RAPGEF5: variants seen among roughly 807,000 people sequenced by gnomAD.
RAPGEF5 encodes M-Ras-regulated GEF.
A neutral mutation model predicts 125.2 loss-of-function variants in RAPGEF5; 65 were observed. The ratio of observed to expected loss-of-function variants is 0.52; its 90% CI spans 0.43 to 0.64. RAPGEF5 has a LOEUF of 0.64. Among genes scored for constraint, RAPGEF5 ranks in the 30% least tolerant of loss-of-function variants. RAPGEF5 has a pLI of 0.00. For missense variants in RAPGEF5, 958 were observed against 1,048.1 expected (o/e 0.91, Z 1.19); for synonymous variants, 391 against 385.9 (o/e 1.01, Z -0.16).
chr7:22,165,667 AT>A (rs1320349683), intron 12 of RAPGEF5, among the ~76,000 whole-genome samples: 1 of 152,172 alleles, frequency 6.6e-6, no homozygotes, highest in Non-Finnish European at 1.5e-5. Context: ...AAAAGTAATC[AT>A]CATTTCCAGT....
intron 10 of RAPGEF5, 81 bp downstream of exon 10, chr7:22,193,834 G>T (rs1276821633): frequency 6.2e-7 from 1 of 1,611,880 alleles, no homozygotes; most frequent in Non-Finnish European, 8.5e-7. Flanking sequence ...GAGAGCGAGT[G>T]AGATGGAGCA....
intron 5 of RAPGEF5, among the ~76,000 whole-genome samples, chr7:22,301,421 C>G (rs1783197940): frequency 6.6e-6 from 1 of 152,048 alleles, no homozygotes; most frequent in South Asian, 2.1e-4. Flanking sequence ...CGAGACCATC[C>G]TGGCTAACAC....
chr7:22,262,950 G>A (rs888566240), intron 7 of RAPGEF5, among the ~76,000 whole-genome samples: 9 of 152,182 alleles, frequency 5.9e-5, no homozygotes, highest in Admixed American at 1.3e-4. Flanking sequence ...GGGTGACAGA[G>A]TGAGACCCTG....
intron 1 of RAPGEF5, among the ~76,000 whole-genome samples, chr7:22,324,393 A>T (rs900958075): frequency 1.3e-5 from 2 of 152,198 alleles, no homozygotes; most frequent in African/African-American, 4.8e-5. Context: ...GTGATCCTGG[A>T]CTAGAATAAG....
At chr7:22,260,902 T>C (rs982376476) in intron 7 of RAPGEF5, among the ~76,000 whole-genome samples, 1 of 152,116 alleles carries the variant, frequency 6.6e-6, no homozygotes, top group Admixed American at 6.5e-5. Context: ...AATAGATCAG[T>C]GGAACACAGA....
chr7:22,142,503 T>A (rs1475138435), intron 20 of RAPGEF5, among the ~76,000 whole-genome samples: 1 of 152,180 alleles, frequency 6.6e-6, no homozygotes, highest in Non-Finnish European at 1.5e-5. Flanking sequence ...TCTTTTTTAG[T>A]CATATTTTAA....
chr7:22,333,793 C>A (rs1391929751), intron 1 of RAPGEF5, among the ~76,000 whole-genome samples: 2 of 152,228 alleles, frequency 1.3e-5, no homozygotes, highest in African/African-American at 2.4e-5. Context: ...AAAGGTATAA[C>A]TGCCGTGCTG....
intron 23 of RAPGEF5, among the ~76,000 whole-genome samples, chr7:22,131,817 T>C (rs555461075): frequency 1.3e-5 from 2 of 152,326 alleles, no homozygotes; most frequent in South Asian, 4.1e-4. Flanking sequence ...ATATCTCCTG[T>C]TGGCTGCAGT....
intron 8 of RAPGEF5, among the ~76,000 whole-genome samples, chr7:22,229,326 C>A (rs1301223835): frequency 1.3e-5 from 2 of 152,194 alleles, no homozygotes; most frequent in East Asian, 1.9e-4. Context: ...CCATCTTAAC[C>A]TTTTATAGAC....
chr7:22,276,822 C>T (rs771859559), intron 6 of RAPGEF5, among the ~76,000 whole-genome samples: 19 of 152,122 alleles, frequency 1.2e-4, no homozygotes, highest in South Asian at 2.1e-4. Flanking sequence ...TATAAATCAT[C>T]GGGACTGATT....
At chr7:22,313,705 C>T (rs1423843560) in intron 3 of RAPGEF5, among the ~76,000 whole-genome samples, 2 of 152,254 alleles carry the variant, frequency 1.3e-5, no homozygotes, top group Non-Finnish European at 2.9e-5. Context: ...TGATGTTACA[C>T]ATGGCCTCAT....
intron 11 of RAPGEF5, among the ~76,000 whole-genome samples, chr7:22,169,140 T>C (rs552025991): frequency 6.6e-6 from 1 of 152,308 alleles, no homozygotes; most frequent in African/African-American, 2.4e-5. Context: ...AAAAAGGCTG[T>C]GGTGGCGTGC....
intron 6 of RAPGEF5, among the ~76,000 whole-genome samples, chr7:22,287,783 G>A (rs1782831706): frequency 2.0e-5 from 3 of 152,302 alleles, no homozygotes; most frequent in African/African-American, 2.4e-5. Flanking sequence ...GAGGTAGACT[G>A]AGTCCCACTG....
At chr7:22,251,795 A>AAAAAAAT (rs1786629184) in intron 7 of RAPGEF5, among the ~76,000 whole-genome samples, 1 of 151,020 alleles carries the variant, frequency 6.6e-6, no homozygotes, top group Non-Finnish European at 1.5e-5. Flanking sequence ...AAAAAAAAAA[A>AAAAAAAT]AAAAGTGGAG....
At position 22,119,834 on chromosome 7, in the gene RAPGEF5, C is replaced by T. The variant is rs914261501; in HGVS notation, c.*2572G>A. 6.6e-6 allele frequency: 1 copy of T among 152,234 alleles called. No homozygotes were observed. The highest frequency in any genetic ancestry group is 1.5e-5 in the Non-Finnish European group (1 of 68,052). The allele number at this position is 152,234 out of a possible 1,614,324, so 9.4% of individuals were successfully genotyped here. ...CAGAACAAACCCTATTCTGAAGAGG[C>T]CTTGGTGAATATCCAGAGAGGGTGC... On this transcript the variant is annotated 3_prime_UTR_variant, in exon 26 of 26. Transcript: ENST00000665637. This position sits in a 1 kb window ranked among gnomAD's most constrained non-coding sequence, Gnocchi z 4.1.
In RAPGEF5 at chr7:22,193,466, G is replaced by A; in HGVS notation, c.1116-11C>T. On this transcript the variant is annotated splice_polypyrimidine_tract_variant and intron_variant, in intron 10 of 25. Coordinates refer to ENST00000665637, the MANE Select transcript of RAPGEF5 (RefSeq NM_012294.5). ...GACACCACCACATATCTGTCAGAGA[G>A]CAGAGAGTCCACTGAGTCATCCTCG... 7.0e-6 allele frequency: 11 copies of A among 1,581,184 alleles called. No homozygotes were observed. Among genetic ancestry groups the A allele is most frequent in the Non-Finnish European group, 9.5e-6 (11 of 1,162,738 alleles).
chr7:22,311,139 C>A (rs1783460874), intron 3 of RAPGEF5, among the ~76,000 whole-genome samples: 1 of 152,162 alleles, frequency 6.6e-6, no homozygotes, highest in Non-Finnish European at 1.5e-5. Context: ...GATCCTCCCA[C>A]CTAAGCCTCC....
At chr7:22,252,695 T>C (rs1185618324) in intron 7 of RAPGEF5, among the ~76,000 whole-genome samples, 2 of 152,216 alleles carry the variant, frequency 1.3e-5, no homozygotes, top group African/African-American at 4.8e-5. Flanking sequence ...AATGGTTATT[T>C]ATCATTTCGA....
intron 6 of RAPGEF5, among the ~76,000 whole-genome samples, chr7:22,269,981 G>C (rs1432246548): frequency 6.6e-6 from 1 of 152,208 alleles, no homozygotes; most frequent in Non-Finnish European, 1.5e-5. Context: ...AGCCCCGGAG[G>C]AGAACAGGTG....
Sources: gnomAD v4.1 joint callset for allele counts (sites outside exome capture counted in the v4.1 genomes callset) on GRCh38, gnomAD v4.1.1 for gene constraint, Gnocchi (gnomAD v3.1) non-coding constraint, MANE v1.5 for transcripts, NCBI Gene and HGNC (gene_info 2026-07-23, HGNC 2026-07-21) for gene names.